Variants in ABCA12 observed in about 807,000 individuals in gnomAD.
ABCA12 encodes the protein ATP binding cassette subfamily A member 12.
ABCA12 carries 156 observed loss-of-function variants against 293.5 expected under a neutral mutation model. The ratio of observed to expected loss-of-function variants is 0.53; its 90% CI spans 0.47 to 0.61. The LOEUF (loss-of-function observed/expected upper bound fraction) is 0.61. ABCA12 is among the 20% of genes least tolerant of loss of function. The pLI, the probability that ABCA12 is intolerant of heterozygous loss-of-function variation, is 0.00. For synonymous variants in ABCA12, 1,063 were observed against 1,108.0 expected (o/e 0.96, Z 0.81); for missense variants, 2,797 against 3,090.2 (o/e 0.91, Z 2.25).
intron 26 of ABCA12, 39 bp downstream of exon 26, chr2:214,989,290 A>G (rs376888797): frequency 6.2e-7 from 1 of 1,606,358 alleles, no homozygotes; most frequent in Non-Finnish European, 8.5e-7. Flanking sequence ...ATTGAAGTCA[A>G]CCATAAAAAG....
intron 2 of ABCA12, chr2:215,082,814 G>A (rs969285556): frequency 2.6e-5 from 4 of 152,172 alleles, no homozygotes; most frequent in East Asian, 1.9e-4. Context: ...TTCAATTACT[G>A]TAATAATAAC....
intron 23 of ABCA12, among the ~76,000 whole-genome samples, chr2:214,996,323 T>C (rs1159848108): frequency 1.3e-5 from 2 of 152,200 alleles, no homozygotes; most frequent in Non-Finnish European, 2.9e-5. Context: ...TACATTTGTA[T>C]ATATACTGTA....
At position 215,049,616 on chromosome 2, in the gene ABCA12, C is replaced by A. The variant is rs767527854; in HGVS notation, c.693+10G>T. 1.2e-6 allele frequency: 2 copies of A among 1,612,300 alleles called. No homozygotes were observed. Among genetic ancestry groups the A allele is most frequent in the South Asian group, 1.1e-5 (1 of 91,008 alleles). ...TTGAGTCACTTTGTGGATCAAAGAT[C>A]TACACTCACCTGGGAGAACTGTTTG... is the stretch of plus-strand genomic sequence containing the variant. On this transcript the variant is annotated intron_variant, in intron 6 of 52. Coordinates refer to ENST00000272895, the MANE Select transcript of ABCA12 (RefSeq NM_173076.3).
At position 215,100,275 on chromosome 2, in the gene ABCA12, C is replaced by T. The variant is rs927074634; in HGVS notation, c.163+11322G>A. The stretch of plus-strand genomic sequence containing the variant: ...ACTCTACTTTGGCTAGACTAGTCTA[C>T]CTATCTTTAGCCAGTTAAGCCTGAG... On this transcript the variant is annotated intron_variant, in intron 2 of 52. Coordinates refer to ENST00000272895, the MANE Select transcript of ABCA12 (RefSeq NM_173076.3). Among the ~76,000 whole-genome samples, 9 of 152,276 alleles carry T rather than the reference C, an allele frequency of 5.9e-5. No homozygotes were observed. The East Asian group carries it at 1.7e-3, about 29-fold the overall frequency.
chr2:215,001,350 C>T (rs1166686628), intron 21 of ABCA12, among the ~76,000 whole-genome samples: 1 of 152,154 alleles, frequency 6.6e-6, no homozygotes, highest in Non-Finnish European at 1.5e-5. Context: ...TAATCCTTTT[C>T]AATCTTAATT....
chr2:215,008,186 C>T (rs560641057), intron 18 of ABCA12, among the ~76,000 whole-genome samples: 4 of 152,146 alleles, frequency 2.6e-5, no homozygotes, highest in African/African-American at 7.2e-5. Flanking sequence ...CATCCTAGTT[C>T]GAGGATAGCA....
At chr2:214,995,533 T>TGG (rs1399768576) in intron 23 of ABCA12, among the ~76,000 whole-genome samples, 1 of 152,148 alleles carries the variant, frequency 6.6e-6, no homozygotes, top group African/African-American at 2.4e-5. Flanking sequence ...AGATCTACCA[T>TGG]TAACTAGCTC....
chr2:215,015,807 A>G, intron 14 of ABCA12, 144 bp from the exon 15 acceptor site: 1 of 723,998 alleles, frequency 1.4e-6, no homozygotes, highest in East Asian at 2.7e-5. Flanking sequence ...TAAAGCACTA[A>G]TTACTATTAA....
chr2:215,053,896 G>C (rs916884616), intron 4 of ABCA12, among the ~76,000 whole-genome samples: 4 of 151,944 alleles, frequency 2.6e-5, no homozygotes, highest in East Asian at 1.9e-4. Context: ...TTAACATGTG[G>C]CTTCTAATCA....
Position 214,990,567 on chromosome 2 carries a change from G to C in ABCA12, c.3624+135C>G, listed in dbSNP as rs984581059. ...GTGATGTAAGAAAAGCTATCATTAGGACATTAAGCTTACTTTGCTTTCACT... is the reference window on the plus strand; with the variant it reads ...GTGATGTAAGAAAAGCTATCATTAGCACATTAAGCTTACTTTGCTTTCACT... On this transcript the variant is annotated intron_variant, in intron 24 of 52. Transcript: ENST00000272895. 5.7e-5 allele frequency: 48 copies of C among 843,140 alleles called. No homozygotes were observed. In the African/African-American group the frequency reaches 7.4e-4, roughly 13 times the overall value. 52.2% of individuals were successfully genotyped at this position (843,140 alleles called of 1,614,324 possible). A position where few individuals can be genotyped will look rare whatever the true frequency, so the allele number is the denominator to read the frequency against.
chr2:215,051,423 T>A (rs1701317559), intron 5 of ABCA12, among the ~76,000 whole-genome samples: 1 of 152,092 alleles, frequency 6.6e-6, no homozygotes, highest in Non-Finnish European at 1.5e-5. Flanking sequence ...TTTGGCTCAT[T>A]TATATAACTC....
intron 50 of ABCA12, 52 bp from the exon 51 acceptor site, chr2:214,937,667 C>G (rs1245134197): frequency 7.4e-7 from 1 of 1,342,366 alleles, no homozygotes; most frequent in Non-Finnish European, 1.1e-6. Flanking sequence ...GCTGAAATAG[C>G]TCCTCTGGAA....
chr2:214,980,410 G>C (rs1699619835), intron 31 of ABCA12, 73 bp downstream of exon 31: 36 of 1,582,782 alleles, frequency 2.3e-5, no homozygotes, highest in Non-Finnish European at 2.9e-5. Context: ...TAAAGTTGGA[G>C]AGACTCTGCT....
At chr2:215,100,916 G>A (rs1702345068) in intron 2 of ABCA12, among the ~76,000 whole-genome samples, 1 of 152,130 alleles carries the variant, frequency 6.6e-6, no homozygotes, top group South Asian at 2.1e-4. Flanking sequence ...GGGTTCCCTG[G>A]GCATGTAACT....
At chr2:215,055,820 A>C (rs577023253) in intron 3 of ABCA12, among the ~76,000 whole-genome samples, 11 of 152,064 alleles carry the variant, frequency 7.2e-5, no homozygotes, top group Admixed American at 2.0e-4. Flanking sequence ...TGAATTATTC[A>C]TGACCCTGAC....
intron 7 of ABCA12, among the ~76,000 whole-genome samples, chr2:215,037,985 A>G (rs1701024939): frequency 6.6e-6 from 1 of 152,136 alleles, no homozygotes; most frequent in Non-Finnish European, 1.5e-5. Context: ...AGTAAACTCA[A>G]TGTGTATTCC....
At chr2:215,136,616 G>A (rs2105924584) in intron 1 of ABCA12, among the ~76,000 whole-genome samples, 1 of 152,002 alleles carries the variant, frequency 6.6e-6, no homozygotes, top group African/African-American at 2.4e-5. Flanking sequence ...GACTGTACGT[G>A]GATTTCTTCC....
rs1195918807 is a variant in ABCA12 at position 215,052,555 on chromosome 2, A to C, written c.439T>G (p.Leu147Val). 2 of 1,612,626 alleles carry C rather than the reference A, an allele frequency of 1.2e-6. No homozygotes were observed. The highest frequency in any genetic ancestry group is 1.7e-6 in the Non-Finnish European group (2 of 1,178,944). Residue 147 changes from leucine (L) to valine (V), a missense_variant, in exon 5 of 53, where the codon TTG (leucine) becomes GTG (valine). Leu to Val is a conservative substitution (Grantham distance 32). Transcript: ENST00000272895. ...AAAGTATATGTTCCGGGGATTTCCAAATCAGAACTTGGACTGGGAAATACT... is the reference window on the plus strand; with the variant it reads ...AAAGTATATGTTCCGGGGATTTCCACATCAGAACTTGGACTGGGAAATACT... Reference protein sequence around the residue: ...ATVFPSPSSDLEIPGTYTFNG... With the variant: ...ATVFPSPSSDVEIPGTYTFNG...
chr2:214,992,985 GA>G (rs972392860), intron 23 of ABCA12, among the ~76,000 whole-genome samples: 2 of 150,794 alleles, frequency 1.3e-5, no homozygotes, highest in Non-Finnish European at 3.0e-5. Context: ...AGTTTTCCAG[GA>G]AAAAAAAATT....
Sources: gnomAD v4.1 joint callset for allele counts (sites outside exome capture counted in the v4.1 genomes callset) on GRCh38, gnomAD v4.1.1 for gene constraint, MANE v1.5 for transcripts, NCBI Gene and HGNC (gene_info 2026-07-23, HGNC 2026-07-21) for gene names.